The following BSPRY variants were observed in gnomAD, a reference collection of about 807,000 sequenced individuals.
The protein encoded by BSPRY is B-box and SPRY domain containing.
BSPRY carries 33 observed loss-of-function variants against 38.0 expected under a neutral mutation model. That is an observed-to-expected ratio of 0.87 (90% CI 0.66 to 1.16). The LOEUF (loss-of-function observed/expected upper bound fraction) is 1.16. Among genes scored for constraint, BSPRY ranks in the 50% most tolerant of loss-of-function variants. The pLI is 0.00. For synonymous variants in BSPRY, 224 were observed against 228.5 expected, an observed-to-expected ratio of 0.98 and a Z score of 0.18; for missense variants, 523 against 533.2, an observed-to-expected ratio of 0.98 and a Z score of 0.19.
At chr9:113,352,031 G>A (rs1367105398) in intron 1 of BSPRY, among the ~76,000 whole-genome samples, 3 of 151,918 alleles carry the variant, frequency 2.0e-5, no homozygotes, top group Admixed American at 1.3e-4. Flanking sequence ...GGCTGGTCTC[G>A]AACTCCTGAT....
At chr9:113,365,762 T>A (rs1470284071) in intron 4 of BSPRY, among the ~76,000 whole-genome samples, 4 of 112,570 alleles carry the variant, frequency 3.6e-5, no homozygotes, top group Admixed American at 9.6e-5. Context: ...TGTGTGTGTG[T>A]GTGTGTAGCT....
chr9:113,369,537 G>T, intron 5 of BSPRY, 79 bp from the exon 6 acceptor site: 1 of 1,455,986 alleles, frequency 6.9e-7, no homozygotes. Context: ...AGTGAGTGGT[G>T]AGGAACCTTT....
At chr9:113,368,111 G>T in intron 4 of BSPRY, 148 bp from the exon 5 acceptor site, 1 of 957,916 alleles carries the variant, frequency 1.0e-6, no homozygotes. Flanking sequence ...TAGGGTCACA[G>T]GGGTGAGCCA....
At chr9:113,354,756 G>A (rs1834030224) in intron 2 of BSPRY, among the ~76,000 whole-genome samples, 1 of 152,190 alleles carries the variant, frequency 6.6e-6, no homozygotes, top group African/African-American at 2.4e-5. Context: ...GAGGTTAACT[G>A]ACCTGTCCAA....
intron 2 of BSPRY, among the ~76,000 whole-genome samples, chr9:113,358,060 C>A (rs1834092171): frequency 6.7e-6 from 1 of 149,366 alleles, no homozygotes; most frequent in Admixed American, 6.6e-5. Flanking sequence ...CTGTTTTGGG[C>A]AATATAGCAA....
rs533173269 is a variant in BSPRY at position 113,353,429 on chromosome 9, G to A, written c.202-811G>A. ...TTTAAAAAGAAACAAACGCCTGGGTGCGGTGGCTCACACCTGTAATCCCAG... is the reference window on the plus strand; with the variant it reads ...TTTAAAAAGAAACAAACGCCTGGGTACGGTGGCTCACACCTGTAATCCCAG... On this transcript the variant is annotated intron_variant, in intron 1 of 5. Coordinates refer to ENST00000374183, the MANE Select transcript of BSPRY (RefSeq NM_017688.3). Among the ~76,000 whole-genome samples the A allele has an allele frequency of 1.8e-3, 280 of 152,110 alleles. 2 individuals carry two copies. The highest frequency in any genetic ancestry group is 4.3e-3 in the Admixed American group (66 of 15,250).
chr9:113,370,136 C>A lies in BSPRY; in HGVS notation c.1203C>A (p.Val401=). The part of the protein sequence containing the change: ...FAVADQTISI[V]R Reference sequence around the variant, plus strand: ...TGGCCGATCAGACCATTTCTATCGTCCGCTGACCTCTGGCCACAGGAAGCC... The same window carrying A: ...TGGCCGATCAGACCATTTCTATCGTACGCTGACCTCTGGCCACAGGAAGCC... Residue 401 remains valine (V), a synonymous_variant, in exon 6 of 6, where the codon GTC becomes GTA. Coordinates refer to ENST00000374183, the MANE Select transcript of BSPRY (RefSeq NM_017688.3). The surrounding 1 kb of genome is among the most constrained non-coding windows in gnomAD (Gnocchi z 4.8). 1 of 1,558,598 alleles carries A rather than the reference C, an allele frequency of 6.4e-7. No individual in the cohort carries two copies. Among genetic ancestry groups the A allele is most frequent in the Non-Finnish European group, 8.7e-7 (1 of 1,152,678 alleles).
chr9:113,369,197 T>C (rs979646584), intron 5 of BSPRY, among the ~76,000 whole-genome samples: 2 of 152,162 alleles, frequency 1.3e-5, no homozygotes, highest in African/African-American at 4.8e-5. Flanking sequence ...GCCACAGATA[T>C]GACCAAGTAG....
intron 4 of BSPRY, among the ~76,000 whole-genome samples, chr9:113,363,736 G>GT (rs1834194054): frequency 4.0e-5 from 6 of 151,686 alleles, no homozygotes; most frequent in African/African-American, 1.2e-4. Flanking sequence ...ACAAAAATTA[G>GT]GTGTGGTGGT....
At chr9:113,360,461 G>T (rs1235295787) in intron 2 of BSPRY, 46 bp from the exon 3 acceptor site, 2 of 1,539,810 alleles carry the variant, frequency 1.3e-6, no homozygotes, top group Admixed American at 2.0e-5. Flanking sequence ...AATCCTGACC[G>T]GGGCTTTGCA....
chr9:113,363,294 T>G (rs1017011066), intron 4 of BSPRY, among the ~76,000 whole-genome samples: 1 of 134,026 alleles, frequency 7.5e-6, no homozygotes, highest in Non-Finnish European at 1.6e-5. Context: ...AAAAAAAAAT[T>G]AGCCATGCTT....
At position 113,369,935 on chromosome 9, in the gene BSPRY, T is replaced by TC; in HGVS notation, c.1003dup (p.Arg335ProfsTer35). The TC allele has an allele frequency of 6.2e-7, 1 of 1,614,206 alleles. No homozygotes were observed. The highest frequency in any genetic ancestry group is 8.5e-7 in the Non-Finnish European group (1 of 1,180,040). On this transcript the variant is annotated frameshift_variant, in exon 6 of 6. Coordinates refer to ENST00000374183, the MANE Select transcript of BSPRY (RefSeq NM_017688.3). LOFTEE classifies it high-confidence loss of function. ...TCTTCTCTCGCTATGATCAGGAGTT[T>TC]CGTTTCTCACACAATGGGCAGCACG... is the stretch of plus-strand genomic sequence containing the variant.
intron 3 of BSPRY, 92 bp from the exon 4 acceptor site, chr9:113,362,277 A>G (rs1834167824): frequency 2.2e-6 from 3 of 1,389,910 alleles, no homozygotes; most frequent in South Asian, 2.3e-5. Flanking sequence ...TAGAGTCCAC[A>G]TGGAGCCCTT....
In BSPRY at chr9:113,369,686, C is replaced by G; in HGVS notation, c.753C>G (p.Thr251=). ...TGCAATTGTCAGATGATCGAAAGAC[C>G]CTGACCTTCAGCACCAAGAAGTCAA... is the stretch of plus-strand genomic sequence containing the variant. ...PFLQLSDDRK[T]LTFSTKKSKA... Residue 251 remains threonine, a synonymous_variant, in exon 6 of 6, where the codon ACC becomes ACG. Transcript: ENST00000374183. The G allele has an allele frequency of 1.2e-6, 2 of 1,614,184 alleles. No individual in the cohort carries two copies. Among genetic ancestry groups the G allele is most frequent in the Non-Finnish European group, 1.7e-6 (2 of 1,180,022 alleles).
chr9:113,364,588 C>T (rs1410466726), intron 4 of BSPRY, among the ~76,000 whole-genome samples: 3 of 151,734 alleles, frequency 2.0e-5, no homozygotes, highest in African/African-American at 2.4e-5. Flanking sequence ...ACGAGCTTCA[C>T]GTAGAAAATA....
rs1374277355 is a variant in BSPRY, at chr9:113,371,177, G to C, written c.*1035G>C. The C allele has an allele frequency of 6.6e-6, 1 of 152,260 alleles. No homozygotes were observed. The highest frequency in any genetic ancestry group is 2.4e-5 in the African/African-American group (1 of 41,456). The allele number at this position is 152,260 out of a possible 1,614,324, so 9.4% of individuals were successfully genotyped here. ...CCAGAAAGAGCTGAGGGAGTTAAGA[G>C]GGCCAACCTTAGGGCACGTGGGCAT... On this transcript the variant is annotated 3_prime_UTR_variant, in exon 6 of 6. Coordinates refer to ENST00000374183, the MANE Select transcript of BSPRY (RefSeq NM_017688.3).
chr9:113,368,692 G>C (rs1030317362), intron 5 of BSPRY, among the ~76,000 whole-genome samples: 1 of 152,198 alleles, frequency 6.6e-6, no homozygotes, highest in African/African-American at 2.4e-5. Context: ...GAAACCTGGG[G>C]TTTCTCTTTA....
In BSPRY at chr9:113,349,644, G is replaced by T. The variant is rs1427186904; in HGVS notation, c.65G>T (p.Cys22Phe). Residue 22 changes from cysteine to phenylalanine, a missense_variant, in exon 1 of 6, where the codon TGC becomes TTC. Cys to Phe is a radical substitution (Grantham distance 205). Coordinates refer to ENST00000374183, the MANE Select transcript of BSPRY (RefSeq NM_017688.3). ...TCCGGGCCCGGGCCGGGGCCACTCT[G>T]CCCCGAACACGGCCAGGCTCTGAGC... is the stretch of plus-strand genomic sequence containing the variant. ...SGSGPGPGPL[C>F]PEHGQALSWF... The T allele has an allele frequency of 5.7e-6, 7 of 1,226,756 alleles. No homozygotes were observed. The highest frequency in any genetic ancestry group is 7.1e-6 in the Non-Finnish European group (7 of 983,168). The allele number at this position is 1,226,756 out of a possible 1,614,324, so 76.0% of individuals were successfully genotyped here.
chr9:113,367,236 T>C lies in BSPRY; in HGVS notation c.558-1023T>C, dbSNP rs1366669027. 2.0e-5 allele frequency among the ~76,000 whole-genome samples: 3 copies of C among 152,164 alleles called. No individual in the cohort carries two copies. The East Asian group carries it at 5.8e-4, about 29-fold the overall frequency. ...CACTACCTCCCAGGTTATAGCAAAG[T>C]TGAGGTATGATTCTGTAGAGAAAAC... On this transcript the variant is annotated intron_variant, in intron 4 of 5. Transcript: ENST00000374183.
Sources: gnomAD v4.1 joint callset for allele counts (sites outside exome capture counted in the v4.1 genomes callset) on GRCh38, gnomAD v4.1.1 for gene constraint, Gnocchi (gnomAD v3.1) non-coding constraint, MANE v1.5 for transcripts, NCBI Gene and HGNC (gene_info 2026-07-23, HGNC 2026-07-21) for gene names.